Variants in TMEM255B observed in about 807,000 individuals in gnomAD.
TMEM255B encodes family with sequence similarity 70, member B.
Under a neutral mutation model 34.5 loss-of-function variants are expected in TMEM255B, and 35 were observed. The observed-to-expected ratio is 1.01, with a 90% confidence interval of 0.77 to 1.34. The LOEUF is 1.34. TMEM255B is among the 40% of genes most tolerant of loss of function. The pLI is 0.00. For synonymous variants in TMEM255B, 206 were observed against 201.2 expected (o/e 1.02, Z -0.20); for missense variants, 432 against 433.2 (o/e 1.00, Z 0.02).
Position 113,793,039 on chromosome 13 carries a change from A to C in TMEM255B, c.253-2109A>C, listed in dbSNP as rs79189901. On this transcript the variant is annotated intron_variant, in intron 3 of 8. Transcript: ENST00000375353. ...TCCAGAGGGGGAACCAAGGACCACT[A>C]GGGGCAAGTCCAGCCCAGCAGTTCA... 8.6e-3 allele frequency among the ~76,000 whole-genome samples: 1,303 copies of C among 152,328 alleles called. 21 individuals are homozygous for C. Among genetic ancestry groups the C allele is most frequent in the African/African-American group, 0.029 (1,224 of 41,572 alleles).
intron 1 of TMEM255B, 133 bp from the exon 2 acceptor site, chr13:113,765,982 G>A (rs766078307): frequency 5.2e-6 from 6 of 1,161,246 alleles, no homozygotes; most frequent in South Asian, 2.9e-5. Context: ...GGTCCCCTGA[G>A]GTGGGCCTGG....
At chr13:113,783,371 A>G (rs2050694110) in intron 3 of TMEM255B, among the ~76,000 whole-genome samples, 1 of 152,144 alleles carries the variant, frequency 6.6e-6, no homozygotes, top group Admixed American at 6.5e-5. Context: ...GTTTTATATC[A>G]GGGTTTGATT....
intron 1 of TMEM255B, among the ~76,000 whole-genome samples, chr13:113,761,817 C>T (rs1394338567): frequency 6.6e-6 from 1 of 152,204 alleles, no homozygotes; most frequent in Non-Finnish European, 1.5e-5. Context: ...TTCATTCATT[C>T]CGTACCAGGA....
chr13:113,773,030 A>G (rs149846222), intron 3 of TMEM255B, among the ~76,000 whole-genome samples: 20 of 152,346 alleles, frequency 1.3e-4, no homozygotes, highest in African/African-American at 4.6e-4. Flanking sequence ...ATCCATGAAC[A>G]TGGAATGTTT....
At chr13:113,805,173 C>T in intron 8 of TMEM255B, 145 bp downstream of exon 8, 1 of 1,101,490 alleles carries the variant, frequency 9.1e-7, no homozygotes, top group Non-Finnish European at 1.2e-6. Flanking sequence ...CAGTGACAAC[C>T]CTGCCGTCAG....
At chr13:113,788,713 G>A (rs918985991) in intron 3 of TMEM255B, among the ~76,000 whole-genome samples, 4 of 151,998 alleles carry the variant, frequency 2.6e-5, no homozygotes, top group African/African-American at 4.8e-5. Context: ...CCCTCCACCC[G>A]TTTGTCTCTG....
intron 3 of TMEM255B, among the ~76,000 whole-genome samples, chr13:113,778,907 AG>A (rs2050623926): frequency 6.6e-6 from 1 of 152,272 alleles, no homozygotes; most frequent in East Asian, 1.9e-4. Context: ...TGAAGAAAGA[AG>A]AAACATGAAA....
chr13:113,759,319 AGC>A lies in TMEM255B; in HGVS notation c.46+8_46+9del. Reference sequence around the variant, plus strand: ...CTGGGCCTGCTGGACCCCGCAGGTGAGCGCGGGGCTGGGGGCTCGTCTCGGCT... The same window carrying A: ...CTGGGCCTGCTGGACCCCGCAGGTGAGCGGGGCTGGGGGCTCGTCTCGGCT... On this transcript the variant is annotated splice_donor_5th_base_variant and intron_variant, in intron 1 of 8. Transcript: ENST00000375353. 2.4e-6 allele frequency: 3 copies of A among 1,229,234 alleles called. No homozygotes were observed. Among genetic ancestry groups the A allele is most frequent in the Non-Finnish European group, 3.0e-6 (3 of 986,374 alleles). The allele number at this position is 1,229,234 out of a possible 1,614,324, so 76.1% of individuals were successfully genotyped here.
chr13:113,809,250 T>C (rs2051253320), intron 8 of TMEM255B, among the ~76,000 whole-genome samples: 1 of 114,838 alleles, frequency 8.7e-6, no homozygotes, highest in Non-Finnish European at 1.8e-5. Context: ...TTCCTGGGGG[T>C]TTACTCTGTG....
chr13:113,767,548 A>C (rs113625461), intron 2 of TMEM255B, among the ~76,000 whole-genome samples: 38 of 152,390 alleles, frequency 2.5e-4, no homozygotes, highest in African/African-American at 7.9e-4. Flanking sequence ...AACATAATGA[A>C]AAACATCAAT....
At chr13:113,786,437 A>G (rs1016538903) in intron 3 of TMEM255B, among the ~76,000 whole-genome samples, 1 of 151,868 alleles carries the variant, frequency 6.6e-6, no homozygotes, top group Admixed American at 6.6e-5. Context: ...CGTCACCATC[A>G]TCACTGTTGT....
intron 3 of TMEM255B, among the ~76,000 whole-genome samples, chr13:113,775,052 ACACAC>A (rs1431518574): frequency 1.4e-5 from 1 of 72,514 alleles, no homozygotes; most frequent in African/African-American, 6.4e-5. Flanking sequence ...TGCACACACA[ACACAC>A]CACACACCAC....
In TMEM255B at chr13:113,770,017, G is replaced by C. The variant is rs1308944668; in HGVS notation, c.252+857G>C. Among the ~76,000 whole-genome samples the C allele has an allele frequency of 1.3e-5, 2 of 152,192 alleles. No homozygotes were observed. Among genetic ancestry groups the C allele is most frequent in the Non-Finnish European group, 2.9e-5 (2 of 68,040 alleles). On this transcript the variant is annotated intron_variant, in intron 3 of 8. Coordinates refer to ENST00000375353, the MANE Select transcript of TMEM255B (RefSeq NM_182614.4). The surrounding 1 kb of genome is among the most constrained non-coding windows in gnomAD (Gnocchi z 4.6). ...TTCCCAGTTCCCAGGCCGAGAGGGA[G>C]GGTGAGATGGCTGGGCCGCGGTGTA...
Position 113,759,227 on chromosome 13 carries a change from G to A in TMEM255B, c.-43G>A. ...GCCGCGAGGGCGGCTCCTGGCGGCG[G>A]GACTGTGGCTGTGGCCCCGGGAGAG... On this transcript the variant is annotated 5_prime_UTR_variant, in exon 1 of 9. Transcript: ENST00000375353. The A allele has an allele frequency of 8.2e-7, 1 of 1,226,022 alleles. No homozygotes were observed. The allele number at this position is 1,226,022 out of a possible 1,614,324, so 75.9% of individuals were successfully genotyped here.
chr13:113,809,626 A>ACTCCG (rs2138588063), intron 8 of TMEM255B, among the ~76,000 whole-genome samples: 1 of 144,474 alleles, frequency 6.9e-6, no homozygotes, highest in East Asian at 2.1e-4. Context: ...AGTTTACTCC[A>ACTCCG]TGGTTCCTGG....
intron 3 of TMEM255B, among the ~76,000 whole-genome samples, chr13:113,775,033 GAC>G (rs2050549132): frequency 1.3e-5 from 1 of 74,212 alleles, no homozygotes; most frequent in South Asian, 3.5e-4. Flanking sequence ...CACCACACAT[GAC>G]ACACATTGCA....
chr13:113,801,779 C>G lies in TMEM255B; in HGVS notation c.636C>G (p.Ile212Met), dbSNP rs957230639. 4 of 1,611,962 alleles carry G rather than the reference C, an allele frequency of 2.5e-6. No individual in the cohort carries two copies. The highest frequency in any genetic ancestry group is 2.5e-6 in the Non-Finnish European group (3 of 1,179,194). The change falls in exon 7 of 9, where the codon ATC (isoleucine) becomes ATG (methionine). Residue 212 changes from isoleucine (I) to methionine (M), a missense_variant. Physicochemically the swap from Ile to Met is conservative, Grantham distance 10. Coordinates refer to ENST00000375353, the MANE Select transcript of TMEM255B (RefSeq NM_182614.4). ...TCCTGGGCCTGTTCCTGGGCATCAT[C>G]ACCGCCGCCGTCCTGGGGGCCTTCA... ...LNVLGLFLGI[I>M]TAAVLGAFKD...
chr13:113,798,131 G>A (rs2050973324), intron 4 of TMEM255B, among the ~76,000 whole-genome samples: 1 of 152,170 alleles, frequency 6.6e-6, no homozygotes, highest in South Asian at 2.1e-4. Context: ...ATGGATGGGT[G>A]GATGTGGATG....
At chr13:113,786,392 G>A (rs551324079) in intron 3 of TMEM255B, among the ~76,000 whole-genome samples, 6 of 150,006 alleles carry the variant, frequency 4.0e-5, no homozygotes, top group South Asian at 2.1e-4. Flanking sequence ...CGTCACCATC[G>A]TCACCATCCC....
Sources: gnomAD v4.1 joint callset for allele counts (sites outside exome capture counted in the v4.1 genomes callset) on GRCh38, gnomAD v4.1.1 for gene constraint, Gnocchi (gnomAD v3.1) non-coding constraint, MANE v1.5 for transcripts, NCBI Gene and HGNC (gene_info 2026-07-23, HGNC 2026-07-21) for gene names.